Variants in STOX2 observed in about 807,000 individuals in gnomAD.
The protein encoded by STOX2 is storkhead-box protein 2.
Under a neutral mutation model 60.9 loss-of-function variants are expected in STOX2, and 28 were observed. The ratio of observed to expected loss-of-function variants is 0.46; its 90% CI spans 0.34 to 0.63. STOX2 has a LOEUF of 0.63. Ranked by LOEUF, STOX2 falls within the 30% of genes least tolerant of loss-of-function variation. The pLI is 0.01. For missense variants in STOX2, 1,024 were observed against 1,187.7 expected (o/e 0.86, Z 2.03); for synonymous variants, 472 against 463.9 (o/e 1.02, Z -0.22).
chr4:183,830,536 C>T (rs1167541449), intron 1 of STOX2, among the ~76,000 whole-genome samples: 2 of 152,112 alleles, frequency 1.3e-5, no homozygotes, highest in African/African-American at 2.4e-5. Flanking sequence ...AGCCATGACC[C>T]CAGGCTGGCT....
intron 1 of STOX2, among the ~76,000 whole-genome samples, chr4:183,848,502 A>G (rs1417188504): frequency 6.6e-6 from 1 of 152,234 alleles, no homozygotes; most frequent in Non-Finnish European, 1.5e-5. Context: ...AGAGATTACC[A>G]TGACAAGTCT....
intron 1 of STOX2, among the ~76,000 whole-genome samples, chr4:183,944,380 C>A (rs996851585): frequency 5.3e-5 from 8 of 152,188 alleles, no homozygotes; most frequent in African/African-American, 1.4e-4. Context: ...CATTAAGACC[C>A]TGTCATTGCT....
rs10712455 is a variant in STOX2 at position 183,806,980 on chromosome 4, CTT to C, written c.364+8934_364+8935del. Among the ~76,000 whole-genome samples the C allele has an allele frequency of 1.3e-4, 19 of 149,744 alleles. No individual in the cohort carries two copies. Among genetic ancestry groups the C allele is most frequent in the African/African-American group, 4.7e-4 (19 of 40,614 alleles). On this transcript the variant is annotated intron_variant, in intron 1 of 2. Coordinates refer to the STOX2 transcript ENST00000513034. This position sits in a 1 kb window ranked among gnomAD's most constrained non-coding sequence, Gnocchi z 4.1. ...ATGCTTTCTGACACTTTCTTTTTTT[CTT>C]TTTTTTTTGAGACGGAGTCTTGCTC...
At chr4:183,930,355 T>A (rs767545021) in intron 1 of STOX2, among the ~76,000 whole-genome samples, 2 of 151,770 alleles carry the variant, frequency 1.3e-5, no homozygotes, top group African/African-American at 4.8e-5. Flanking sequence ...TATTTTGTTA[T>A]TATTTTTTAT....
chr4:183,884,436 G>A lies in STOX2; in HGVS notation c.364+86381G>A, dbSNP rs573307241. Among the ~76,000 whole-genome samples, 25 of 152,150 alleles carry A rather than the reference G, an allele frequency of 1.6e-4. No homozygotes were observed. In the South Asian group the frequency reaches 4.6e-3, roughly 28 times the overall value. On this transcript the variant is annotated intron_variant, in intron 1 of 2. Coordinates refer to the STOX2 transcript ENST00000513034. ...ATGGATCGCTTGAGCTCAGGAGTTC[G>A]TGACCAGCTTGGGCAACATGGTGAG...
intron 1 of STOX2, among the ~76,000 whole-genome samples, chr4:183,887,506 A>G (rs1272232666): frequency 6.6e-6 from 1 of 152,180 alleles, no homozygotes. Context: ...TTAGGATCAG[A>G]CATATCCCTA....
intron 1 of STOX2, among the ~76,000 whole-genome samples, chr4:183,862,258 C>T (rs1019708642): frequency 6.6e-6 from 1 of 152,184 alleles, no homozygotes; most frequent in African/African-American, 2.4e-5. Flanking sequence ...TCATTGCAAC[C>T]TCTGCCTCCT....
chr4:183,891,295 AATAT>A (rs33925686), intron 1 of STOX2, among the ~76,000 whole-genome samples: 263 of 8,200 alleles, frequency 0.032, 2 homozygotes, highest in Non-Finnish European at 0.068. Context: ...TATATGATGG[AATAT>A]ATATATATAT....
At position 183,895,870 on chromosome 4, in the gene STOX2, G is replaced by C. The variant is rs1193610481; in HGVS notation, c.364+97815G>C. Among the ~76,000 whole-genome samples, 3 of 152,178 alleles carry C rather than the reference G, an allele frequency of 2.0e-5. No homozygotes were observed. In the East Asian group the frequency reaches 5.8e-4, roughly 29 times the overall value. On this transcript the variant is annotated intron_variant, in intron 1 of 2. Coordinates refer to the STOX2 transcript ENST00000513034. ...TGAGGTCAGCAGGGTAATAGGAAGG[G>C]CACTGTTGTTATATAAACAGGACAA...
chr4:183,874,409 A>AG (rs1310490874), intron 1 of STOX2, among the ~76,000 whole-genome samples: 1 of 152,194 alleles, frequency 6.6e-6, no homozygotes, highest in African/African-American at 2.4e-5. Context: ...TTAGAGAAGG[A>AG]GGACAGTCCT....
At chr4:183,902,499 A>G (rs1258987264), upstream of STOX2, among the ~76,000 whole-genome samples, 3 of 152,226 alleles carry the variant, frequency 2.0e-5, no homozygotes, top group Non-Finnish European at 4.4e-5. Flanking sequence ...ATACTGGCTT[A>G]CAAAACCGAG....
At chr4:183,827,334 A>C (rs913325418) in intron 1 of STOX2, among the ~76,000 whole-genome samples, 1 of 152,060 alleles carries the variant, frequency 6.6e-6, no homozygotes, top group African/African-American at 2.4e-5. Context: ...CCCAGTCTAC[A>C]AAAAATGAGG....
chr4:183,866,902 A>G (rs930179362), intron 1 of STOX2, among the ~76,000 whole-genome samples: 3 of 152,240 alleles, frequency 2.0e-5, no homozygotes, highest in Non-Finnish European at 2.9e-5. Context: ...AAACAAACAA[A>G]CAAAAAGAAC....
At chr4:183,951,194 G>C (rs1014878345) in intron 1 of STOX2, among the ~76,000 whole-genome samples, 2 of 145,510 alleles carry the variant, frequency 1.4e-5, no homozygotes, top group East Asian at 4.1e-4. Context: ...CAGCCTGGGC[G>C]ACAGAGCGAG....
intron 1 of STOX2, among the ~76,000 whole-genome samples, chr4:183,860,323 A>G (rs1003560411): frequency 1.3e-5 from 2 of 152,022 alleles, no homozygotes; most frequent in African/African-American, 4.8e-5. Context: ...TGACGTAGCT[A>G]ATTAGTGGCC....
chr4:183,940,473 C>T (rs1164196813), intron 1 of STOX2, among the ~76,000 whole-genome samples: 6 of 152,172 alleles, frequency 3.9e-5, no homozygotes, highest in African/African-American at 1.2e-4. Context: ...ACTTCTCAAA[C>T]GTGGGAATTA....
At chr4:183,835,041 A>T (rs1041974007) in intron 1 of STOX2, among the ~76,000 whole-genome samples, 2 of 152,026 alleles carry the variant, frequency 1.3e-5, no homozygotes, top group African/African-American at 2.4e-5. Flanking sequence ...GAGGAAACAT[A>T]GTGTCTTGAA....
chr4:183,819,206 G>T (rs1191940794), intron 1 of STOX2, among the ~76,000 whole-genome samples: 8 of 152,116 alleles, frequency 5.3e-5, no homozygotes, highest in East Asian at 3.9e-4. Context: ...CTGGGAGGTG[G>T]AGGTTGTAGA....
chr4:183,802,566 A>G (rs1376661670), intron 1 of STOX2, among the ~76,000 whole-genome samples: 4 of 149,536 alleles, frequency 2.7e-5, no homozygotes, highest in Non-Finnish European at 5.9e-5. Context: ...TTTTGTAGAG[A>G]CAGGGTCTCC....
Sources: allele counts gnomAD v4.1 joint callset (sites outside exome capture counted in the v4.1 genomes callset), GRCh38; gene constraint gnomAD v4.1.1; non-coding constraint Gnocchi (gnomAD v3.1); transcripts MANE v1.5; gene names NCBI Gene and HGNC (gene_info 2026-07-23, HGNC 2026-07-21).